Variants in WNT2B observed in about 807,000 individuals in gnomAD.
The protein encoded by WNT2B is Wnt family member 2B, also known as protein Wnt-2b.
Under a neutral mutation model 40.5 loss-of-function variants are expected in WNT2B, and 19 were observed. The ratio of observed to expected loss-of-function variants is 0.47; its 90% CI spans 0.33 to 0.69. The LOEUF is 0.69. Among genes scored for constraint, WNT2B ranks in the 30% least tolerant of loss-of-function variants. The pLI is 0.02. For synonymous variants in WNT2B, 220 were observed against 211.9 expected, an observed-to-expected ratio of 1.04 and a Z score of -0.33; for missense variants, 467 against 556.4, an observed-to-expected ratio of 0.84 and a Z score of 1.62.
At chr1:112,496,684 T>A (rs1651783777) in intron 1 of WNT2B, among the ~76,000 whole-genome samples, 2 of 150,928 alleles carry the variant, frequency 1.3e-5, no homozygotes, top group Admixed American at 6.6e-5. Flanking sequence ...CACCACAACC[T>A]CCTCCTCCCG....
upstream of WNT2B, among the ~76,000 whole-genome samples, chr1:112,505,073 G>C (rs926878831): frequency 6.6e-6 from 1 of 152,224 alleles, no homozygotes; most frequent in Non-Finnish European, 1.5e-5. Context: ...GTGACATCAA[G>C]GGTGACAGTG....
At chr1:112,473,247 G>A (rs1476429610) in intron 1 of WNT2B, among the ~76,000 whole-genome samples, 2 of 150,180 alleles carry the variant, frequency 1.3e-5, no homozygotes, top group Non-Finnish European at 3.0e-5. Context: ...AAGGAAAAGA[G>A]GGAGGGAGGG....
At chr1:112,508,075 A>C (rs943819380), upstream of WNT2B, among the ~76,000 whole-genome samples, 2 of 151,964 alleles carry the variant, frequency 1.3e-5, no homozygotes, top group Non-Finnish European at 2.9e-5. This position sits in a 1 kb window ranked among gnomAD's most constrained non-coding sequence, Gnocchi z 4.2. Flanking sequence ...AGGCAGGGCG[A>C]GAAGACGAAG....
Position 112,514,835 on chromosome 1 carries a change from G to T in WNT2B, c.183-39G>T, listed in dbSNP as rs752566036. 27 of 1,604,668 alleles carry T rather than the reference G, an allele frequency of 1.7e-5. No homozygotes were observed. The Middle Eastern group carries it at 5.0e-4, about 30-fold the overall frequency. On this transcript the variant is annotated intron_variant, in intron 1 of 4. Coordinates refer to ENST00000369684, the MANE Select transcript of WNT2B (RefSeq NM_024494.3). ...CTTATTCCCTCCCAATGCAGAAAAA[G>T]GTCTGGGATGTTCTGACAGGGCCAT...
rs5777124 is a variant in WNT2B at position 112,521,311 on chromosome 1, C to CTTTTTTTTTTTTTTTTT, written c.*806_*822dup. 4.0e-4 allele frequency: 49 copies of CTTTTTTTTTTTTTTTTT among 122,072 alleles called. 1 individual carries two copies. Among genetic ancestry groups the CTTTTTTTTTTTTTTTTT allele is most frequent in the East Asian group, 9.8e-4 (4 of 4,100 alleles). 7.6% of individuals were successfully genotyped at this position (122,072 alleles called of 1,614,324 possible). On this transcript the variant is annotated 3_prime_UTR_variant, in exon 5 of 5. Transcript: ENST00000369684. ...TAAGTCTGGCTAGGCCTTGTGTTGC[C>CTTTTTTTTTTTTTTTTT]TTTTTTTTTTTTTTTTTTTTCTTTT...
In WNT2B at chr1:112,499,373, ATC is replaced by A. The variant is rs1395300231; in HGVS notation, c.-94-15496_-94-15495del. 3.9e-5 allele frequency among the ~76,000 whole-genome samples: 6 copies of A among 152,242 alleles called. No individual in the cohort carries two copies. The East Asian group carries it at 9.6e-4, about 24-fold the overall frequency. On this transcript the variant is annotated intron_variant, in intron 1 of 4. Transcript: ENST00000256640. ...ACATTATATGAAAACTCAGACTAAT[ATC>A]TCTCATGAACACAGATGCAAAAATC...
intron 1 of WNT2B, among the ~76,000 whole-genome samples, chr1:112,495,167 G>T (rs1651722626): frequency 1.3e-5 from 2 of 151,410 alleles, no homozygotes; most frequent in Non-Finnish European, 1.5e-5. Context: ...AGGGAAAATT[G>T]AATCATATGA....
At chr1:112,514,407 C>A (rs892496362) in intron 1 of WNT2B, among the ~76,000 whole-genome samples, 6 of 152,300 alleles carry the variant, frequency 3.9e-5, no homozygotes, top group Middle Eastern at 3.4e-3. Context: ...CCTGTCACCA[C>A]CCCCCTGCTG....
chr1:112,517,087 T>TA (rs1557922461), intron 3 of WNT2B, 34 bp from the exon 4 acceptor site: 5 of 1,596,560 alleles, frequency 3.1e-6, no homozygotes, highest in Non-Finnish European at 4.3e-6. Flanking sequence ...CCTGACCAGC[T>TA]ACTTCTCCCT....
At chr1:112,517,928 G>A (rs1389958997) in intron 4 of WNT2B, 1 of 155,490 alleles carries the variant, frequency 6.4e-6, no homozygotes, top group African/African-American at 2.4e-5. Context: ...TCTTATCAGA[G>A]AGTAGTAGGT....
At chr1:112,478,070 C>CA (rs1651104559) in intron 1 of WNT2B, among the ~76,000 whole-genome samples, 3 of 152,014 alleles carry the variant, frequency 2.0e-5, no homozygotes, top group East Asian at 3.9e-4. Context: ...CTGGTCTGTA[C>CA]AAAAAATGTA....
At chr1:112,490,781 G>A (rs1168293292) in intron 1 of WNT2B, among the ~76,000 whole-genome samples, 2 of 152,020 alleles carry the variant, frequency 1.3e-5, no homozygotes, top group South Asian at 2.1e-4. Flanking sequence ...GAGCCCCCGC[G>A]CCCGGCCAAA....
Position 112,516,143 on chromosome 1 carries a change from G to T in WNT2B, c.407G>T (p.Ser136Ile), listed in dbSNP as rs1652529149. ...ACCTCTACAATTCTCTCTCTAGGTA[G>T]CCGAGAGGCAGCTTTTGTATATGCC... ...TVFGRVMLRSSREAAFVYAIS... is the reference protein window; with the variant it reads ...TVFGRVMLRSIREAAFVYAIS... The change falls in exon 3 of 5, where the codon AGC (serine) becomes ATC (isoleucine). Residue 136 changes from serine (S) to isoleucine (I), a missense_variant. Transcript: ENST00000369684. 1 of 1,610,394 alleles carries T rather than the reference G, an allele frequency of 6.2e-7. No homozygotes were observed. Among genetic ancestry groups the T allele is most frequent in the Non-Finnish European group, 8.5e-7 (1 of 1,177,162 alleles).
intron 1 of WNT2B, among the ~76,000 whole-genome samples, chr1:112,481,271 A>G (rs1651216597): frequency 6.6e-6 from 1 of 152,230 alleles, no homozygotes. Flanking sequence ...TCAACGTATG[A>G]AAATCAATCA....
rs1653790512 is a variant in WNT2B at position 112,528,296 on chromosome 1, CATT to C, written c.*7790_*7792del. Reference sequence around the variant, plus strand: ...ATATAAGGAATTTCAAGCAAGTACACATTATATACACTGGGGAATACAGAGAAA... The same window carrying C: ...ATATAAGGAATTTCAAGCAAGTACACATATACACTGGGGAATACAGAGAAA... On this transcript the variant is annotated 3_prime_UTR_variant, in exon 5 of 5. Transcript: ENST00000369684. 1.3e-5 allele frequency: 2 copies of C among 152,178 alleles called. No homozygotes were observed. Among genetic ancestry groups the C allele is most frequent in the Admixed American group, 1.3e-4 (2 of 15,278 alleles). The allele number at this position is 152,178 out of a possible 1,614,324, so 9.4% of individuals were successfully genotyped here. A position where few individuals can be genotyped will look rare whatever the true frequency, so the allele number is the denominator to read the frequency against.
intron 4 of WNT2B, chr1:112,518,425 G>A (rs1429873380): frequency 6.6e-6 from 1 of 152,230 alleles, no homozygotes. Context: ...TCCTGGAAGA[G>A]TCAAGTGGCT....
intron 1 of WNT2B, among the ~76,000 whole-genome samples, chr1:112,470,012 A>G (rs1650825240): frequency 6.6e-6 from 1 of 152,196 alleles, no homozygotes; most frequent in Non-Finnish European, 1.5e-5. Flanking sequence ...TGAGTAGTTT[A>G]CACACCACAA....
Position 112,528,613 on chromosome 1 carries a change from G to A in WNT2B, c.*8104G>A, listed in dbSNP as rs942368680. The A allele has an allele frequency of 6.6e-5, 10 of 152,332 alleles. No homozygotes were observed. The highest frequency in any genetic ancestry group is 6.2e-4 in the South Asian group (3 of 4,834). 9.4% of individuals were successfully genotyped at this position (152,332 alleles called of 1,614,324 possible). ...TATCAAATATCCTATCCAGTACTGT[G>A]ATACATTAATGTAGGCTTACAGGCC... On this transcript the variant is annotated 3_prime_UTR_variant, in exon 5 of 5. Coordinates refer to ENST00000369684, the MANE Select transcript of WNT2B (RefSeq NM_024494.3).
rs1430210895 is a variant in WNT2B at position 112,509,989 on chromosome 1, G to A, written c.182+545G>A. On this transcript the variant is annotated intron_variant, in intron 1 of 4. Transcript: ENST00000369684. This position sits in a 1 kb window ranked among gnomAD's most constrained non-coding sequence, Gnocchi z 4.2. ...CTCCCACAATTAAAACAAACAAAAC[G>A]CATGGGTTTGCATTATCTAGGCATT... Among the ~76,000 whole-genome samples the A allele has an allele frequency of 1.3e-5, 2 of 152,250 alleles. No homozygotes were observed. The highest frequency in any genetic ancestry group is 4.8e-5 in the African/African-American group (2 of 41,544).
Sources: gnomAD v4.1 joint callset for allele counts (sites outside exome capture counted in the v4.1 genomes callset) on GRCh38, gnomAD v4.1.1 for gene constraint, Gnocchi (gnomAD v3.1) non-coding constraint, MANE v1.5 for transcripts, NCBI Gene and HGNC (gene_info 2026-07-23, HGNC 2026-07-21) for gene names.